Variants in FAM174A observed in about 807,000 individuals in gnomAD.
The protein encoded by FAM174A is family with sequence similarity 174 member A.
Under a neutral mutation model 14.3 loss-of-function variants are expected in FAM174A, and 14 were observed. That is an observed-to-expected ratio of 0.98 (90% CI 0.65 to 1.53). FAM174A has a LOEUF of 1.53. Ranked by LOEUF, FAM174A falls within the 40% of genes most tolerant of loss-of-function variation. FAM174A has a pLI of 0.00. For synonymous variants in FAM174A, 108 were observed against 111.4 expected, an observed-to-expected ratio of 0.97 and a Z score of 0.19; for missense variants, 241 against 249.6, an observed-to-expected ratio of 0.97 and a Z score of 0.23.
intron 1 of FAM174A, among the ~76,000 whole-genome samples, chr5:100,546,226 T>C (rs1580364159): frequency 6.6e-6 from 1 of 152,212 alleles, no homozygotes; most frequent in Non-Finnish European, 1.5e-5. Context: ...TGCCAACATA[T>C]GTCCTTCACA....
chr5:100,545,250 A>G (rs1246486928), intron 1 of FAM174A, among the ~76,000 whole-genome samples: 1 of 152,246 alleles, frequency 6.6e-6, no homozygotes, highest in Non-Finnish European at 1.5e-5. Flanking sequence ...GTTGAAAGAT[A>G]TGTTGGTAAT....
chr5:100,578,284 TG>T, intron 2 of FAM174A, among the ~76,000 whole-genome samples: 1 of 152,274 alleles, frequency 6.6e-6, no homozygotes, highest in East Asian at 1.9e-4. Flanking sequence ...CTTCTGTTAT[TG>T]ACTGAATGCC....
intron 1 of FAM174A, among the ~76,000 whole-genome samples, chr5:100,546,014 A>G (rs1184069280): frequency 6.6e-6 from 1 of 152,238 alleles, no homozygotes; most frequent in African/African-American, 2.4e-5. Context: ...TCAAATTAGG[A>G]AACTGATATG....
chr5:100,541,647 A>C (rs1292314631), intron 1 of FAM174A, among the ~76,000 whole-genome samples: 1 of 152,098 alleles, frequency 6.6e-6, no homozygotes, highest in Non-Finnish European at 1.5e-5. Context: ...CTAAGAAGAC[A>C]TTAAGGAGGG....
intron 2 of FAM174A, among the ~76,000 whole-genome samples, chr5:100,566,141 G>GATATAT (rs60895683): frequency 0.093 from 7,596 of 81,490 alleles, 606 homozygotes; most frequent in Admixed American, 0.15. Flanking sequence ...TGAAAAGTAT[G>GATATAT]ATATATATAT....
intron 1 of FAM174A, among the ~76,000 whole-genome samples, chr5:100,545,656 C>T (rs1746151261): frequency 1.3e-5 from 2 of 152,106 alleles, no homozygotes; most frequent in Admixed American, 1.3e-4. Flanking sequence ...AAAACTGTCT[C>T]TATGTTTCTA....
rs1042050178 is a variant in FAM174A, at chr5:100,568,719, TA to T, written c.569+6539del. ...TTGCCTATTAAAGAATTGCTTTGCTTAAAAAAAACTTTCTAAAAAAAAATGA... is the reference window on the plus strand; with the variant it reads ...TTGCCTATTAAAGAATTGCTTTGCTTAAAAAAACTTTCTAAAAAAAAATGA... On this transcript the variant is annotated intron_variant, in intron 2 of 2. Coordinates refer to ENST00000312637, the MANE Select transcript of FAM174A (RefSeq NM_198507.3). Among the ~76,000 whole-genome samples, 34 of 149,734 alleles carry T rather than the reference TA, an allele frequency of 2.3e-4. No homozygotes were observed. The East Asian group carries it at 5.8e-3, about 26-fold the overall frequency.
chr5:100,544,436 C>A lies in FAM174A; in HGVS notation c.434+8472C>A, dbSNP rs567049083. ...GAGAGAGAGAGAGAGAGAGAGAGAT[C>A]GAGAGACAGAGAGAGAAGGAGAGGA... On this transcript the variant is annotated intron_variant, in intron 1 of 2. Transcript: ENST00000312637. 1.5e-4 allele frequency among the ~76,000 whole-genome samples: 22 copies of A among 142,552 alleles called. No individual in the cohort carries two copies. In the South Asian group the frequency reaches 1.8e-3, roughly 12 times the overall value. The allele number at this position is 142,552 out of a possible 152,430, so 93.5% of individuals were successfully genotyped here. A position where few individuals can be genotyped will look rare whatever the true frequency, so the allele number is the denominator to read the frequency against.
At chr5:100,572,079 T>A (rs1380309273) in intron 2 of FAM174A, among the ~76,000 whole-genome samples, 2 of 152,024 alleles carry the variant, frequency 1.3e-5, no homozygotes, top group Admixed American at 6.6e-5. Flanking sequence ...CTGTTGAAAG[T>A]TTTACAGAAG....
At chr5:100,576,032 A>C (rs1397879880) in intron 2 of FAM174A, among the ~76,000 whole-genome samples, 1 of 152,200 alleles carries the variant, frequency 6.6e-6, no homozygotes, top group Non-Finnish European at 1.5e-5. Context: ...AGAGAGGCAA[A>C]TGAATTTCCT....
intron 2 of FAM174A, among the ~76,000 whole-genome samples, chr5:100,584,362 C>T (rs1747081581): frequency 6.6e-6 from 1 of 152,100 alleles, no homozygotes; most frequent in African/African-American, 2.4e-5. Context: ...CAGAACAGGG[C>T]ACTTTAATCT....
intron 1 of FAM174A, among the ~76,000 whole-genome samples, chr5:100,539,440 G>A (rs558295570): frequency 6.6e-6 from 1 of 152,040 alleles, no homozygotes; most frequent in Non-Finnish European, 1.5e-5. Flanking sequence ...AACCCTATAC[G>A]CTAAGACACA....
At chr5:100,573,935 A>G (rs1038835096) in intron 2 of FAM174A, among the ~76,000 whole-genome samples, 1 of 152,092 alleles carries the variant, frequency 6.6e-6, no homozygotes, top group Non-Finnish European at 1.5e-5. Flanking sequence ...ATCTACAACT[A>G]TCTGATCTTT....
At chr5:100,539,136 T>C (rs1746002072) in intron 1 of FAM174A, among the ~76,000 whole-genome samples, 1 of 152,146 alleles carries the variant, frequency 6.6e-6, no homozygotes, top group Non-Finnish European at 1.5e-5. Context: ...CAAGAAAATA[T>C]GGTGCTCATG....
chr5:100,549,492 A>G (rs1746221847), intron 1 of FAM174A, among the ~76,000 whole-genome samples: 1 of 152,150 alleles, frequency 6.6e-6, no homozygotes, highest in Admixed American at 6.6e-5. Context: ...ACAGGAGACA[A>G]ACATAATCAC....
At chr5:100,568,758 T>G (rs899966256) in intron 2 of FAM174A, among the ~76,000 whole-genome samples, 1 of 151,946 alleles carries the variant, frequency 6.6e-6, no homozygotes, top group South Asian at 2.1e-4. Context: ...GTTTGCAGTT[T>G]TCTCCTCACT....
chr5:100,557,626 G>A (rs1308490087), intron 1 of FAM174A, among the ~76,000 whole-genome samples: 1 of 152,078 alleles, frequency 6.6e-6, no homozygotes, highest in Non-Finnish European at 1.5e-5. Flanking sequence ...CCTGTTATTG[G>A]TCTATTCAGA....
intron 2 of FAM174A, among the ~76,000 whole-genome samples, chr5:100,579,550 A>G (rs1178810216): frequency 1.3e-5 from 2 of 151,874 alleles, no homozygotes; most frequent in Non-Finnish European, 2.9e-5. Flanking sequence ...TCAGCCTCTC[A>G]TGTAGCTGGG....
intron 2 of FAM174A, among the ~76,000 whole-genome samples, chr5:100,579,854 A>G (rs993965877): frequency 2.6e-5 from 4 of 152,220 alleles, no homozygotes; most frequent in African/African-American, 9.6e-5. Context: ...TAGTTTCTCA[A>G]AACAGAAACT....
Sources: gnomAD v4.1 joint callset for allele counts (sites outside exome capture counted in the v4.1 genomes callset) on GRCh38, gnomAD v4.1.1 for gene constraint, MANE v1.5 for transcripts, NCBI Gene and HGNC (gene_info 2026-07-23, HGNC 2026-07-21) for gene names.